Variants in SPATA16 observed in about 807,000 individuals in gnomAD.
The protein encoded by SPATA16 is spermatogenesis-associated protein 16.
In SPATA16, 36 loss-of-function variants were observed where a neutral mutation model predicts 63.3. That is an observed-to-expected ratio of 0.57 (90% CI 0.44 to 0.75). The LOEUF (loss-of-function observed/expected upper bound fraction) is 0.75. SPATA16 is among the 30% of genes least tolerant of loss of function. SPATA16 has a pLI of 0.00. For missense variants in SPATA16, 646 were observed against 679.3 expected (o/e 0.95, Z 0.54); for synonymous variants, 203 against 216.7 (o/e 0.94, Z 0.56).
chr3:173,102,402 T>C (rs201511890), intron 2 of SPATA16, among the ~76,000 whole-genome samples: 2 of 152,328 alleles, frequency 1.3e-5, no homozygotes, highest in South Asian at 2.1e-4. Context: ...TTCTACAGGC[T>C]TTACAGGGAG....
chr3:173,090,871 A>G (rs1323412126), intron 2 of SPATA16, among the ~76,000 whole-genome samples: 1 of 152,202 alleles, frequency 6.6e-6, no homozygotes, highest in Admixed American at 6.5e-5. Context: ...GAGTGGCAAG[A>G]TTGCATGTAA....
intron 1 of SPATA16, among the ~76,000 whole-genome samples, chr3:173,131,961 C>T (rs1427084427): frequency 6.6e-6 from 1 of 151,500 alleles, no homozygotes; most frequent in South Asian, 2.1e-4. Context: ...CTCAAGATAA[C>T]AATTAAAAAA....
At position 173,083,373 on chromosome 3, in the gene SPATA16, T is replaced by C. The variant is rs140851371; in HGVS notation, c.612+33747A>G. The stretch of plus-strand genomic sequence containing the variant: ...TAGTTATATCACATTGATAGAGTAC[T>C]ATTAAGCCAATGAAATAATAATAGT... On this transcript the variant is annotated intron_variant, in intron 2 of 10. Coordinates refer to ENST00000351008, the MANE Select transcript of SPATA16 (RefSeq NM_031955.6). 4.2e-3 allele frequency among the ~76,000 whole-genome samples: 636 copies of C among 152,300 alleles called. 6 individuals carry two copies. Among genetic ancestry groups the C allele is most frequent in the African/African-American group, 0.015 (603 of 41,564 alleles).
intron 2 of SPATA16, among the ~76,000 whole-genome samples, chr3:173,116,417 A>G (rs1001379648): frequency 2.0e-5 from 3 of 152,216 alleles, no homozygotes; most frequent in African/African-American, 7.2e-5. Flanking sequence ...TGGTCCTTCT[A>G]TAGGTACAGT....
chr3:173,068,026 A>G (rs988533530), intron 2 of SPATA16, among the ~76,000 whole-genome samples: 2 of 152,226 alleles, frequency 1.3e-5, no homozygotes, highest in African/African-American at 4.8e-5. Flanking sequence ...TCCTTCAAAC[A>G]TGAAGGAGAC....
chr3:173,140,832 G>A (rs576157789), intron 1 of SPATA16, among the ~76,000 whole-genome samples: 24 of 152,300 alleles, frequency 1.6e-4, no homozygotes, highest in African/African-American at 5.3e-4. Context: ...TTTCTCACCA[G>A]AGTGGGGAAG....
rs371952695 is a variant in SPATA16 at position 173,000,716 on chromosome 3, G to GT, written c.848+18769dup. On this transcript the variant is annotated intron_variant, in intron 4 of 10. Transcript: ENST00000351008. ...CAGTTCTTGGATATTCTGTTCTGTGGTTTTTTTTTTTTCAGTGTTTTCTTC... is the reference window on the plus strand; with the variant it reads ...CAGTTCTTGGATATTCTGTTCTGTGGTTTTTTTTTTTTTCAGTGTTTTCTTC... 3.8e-3 allele frequency among the ~76,000 whole-genome samples: 535 copies of GT among 139,850 alleles called. 1 individual carries two copies. The Middle Eastern group carries it at 0.04, about 10-fold the overall frequency. 91.7% of individuals were successfully genotyped at this position (139,850 alleles called of 152,430 possible). A position where few individuals can be genotyped will look rare whatever the true frequency, so the allele number is the denominator to read the frequency against.
chr3:172,980,319 C>A (rs1369496997), intron 4 of SPATA16, among the ~76,000 whole-genome samples: 2 of 152,096 alleles, frequency 1.3e-5, no homozygotes, highest in Non-Finnish European at 2.9e-5. Flanking sequence ...TAAACAGTAA[C>A]CCATCATTCT....
chr3:172,894,320 A>G (rs915557164), intron 10 of SPATA16, among the ~76,000 whole-genome samples: 3 of 152,104 alleles, frequency 2.0e-5, no homozygotes, highest in East Asian at 1.9e-4. Context: ...TGTTTCTACT[A>G]TTCATAATAT....
At chr3:172,966,227 C>T (rs1236247013) in intron 5 of SPATA16, among the ~76,000 whole-genome samples, 3 of 152,188 alleles carry the variant, frequency 2.0e-5, no homozygotes, top group Non-Finnish European at 4.4e-5. Context: ...AAGAGACCTG[C>T]CACTATACTA....
intron 2 of SPATA16, among the ~76,000 whole-genome samples, chr3:173,078,380 G>A (rs573948243): frequency 6.6e-6 from 1 of 152,088 alleles, no homozygotes; most frequent in Non-Finnish European, 1.5e-5. Context: ...ACGGTCAATG[G>A]CAATGTTAAG....
At chr3:172,923,261 G>A (rs1167901864) in intron 8 of SPATA16, among the ~76,000 whole-genome samples, 1 of 152,154 alleles carries the variant, frequency 6.6e-6, no homozygotes, top group African/African-American at 2.4e-5. Context: ...GTGGGGAAGG[G>A]GTAGCTTTGT....
At chr3:173,136,019 A>T (rs776388443) in intron 1 of SPATA16, among the ~76,000 whole-genome samples, 1 of 152,238 alleles carries the variant, frequency 6.6e-6, no homozygotes, top group Non-Finnish European at 1.5e-5. Context: ...TTTTGCCTAA[A>T]CACATGCCCC....
intron 4 of SPATA16, among the ~76,000 whole-genome samples, chr3:172,999,151 G>C (rs1483021845): frequency 1.3e-5 from 2 of 152,146 alleles, no homozygotes; most frequent in Non-Finnish European, 2.9e-5. Context: ...GAATTAACCA[G>C]TGAACCCATT....
rs186554929 is a variant in SPATA16 at position 173,083,272 on chromosome 3, T to C, written c.612+33848A>G. Among the ~76,000 whole-genome samples, 161 of 152,242 alleles carry C rather than the reference T, an allele frequency of 1.1e-3. 1 individual carries two copies. The highest frequency in any genetic ancestry group is 2.0e-3 in the Non-Finnish European group (136 of 68,000). Reference sequence around the variant, plus strand: ...GGCAAGATACTTAGGAAGAAATTAATACTTATGTTAATATTCTTAACAACA... The same window carrying C: ...GGCAAGATACTTAGGAAGAAATTAACACTTATGTTAATATTCTTAACAACA... On this transcript the variant is annotated intron_variant, in intron 2 of 10. Transcript: ENST00000351008.
intron 8 of SPATA16, among the ~76,000 whole-genome samples, chr3:172,916,835 A>G (rs894489845): frequency 2.6e-5 from 4 of 152,222 alleles, no homozygotes; most frequent in East Asian, 1.9e-4. Flanking sequence ...GACTTTATCT[A>G]TATCACCAAA....
chr3:172,942,231 A>G (rs1299309322), intron 6 of SPATA16, among the ~76,000 whole-genome samples: 1 of 152,188 alleles, frequency 6.6e-6, no homozygotes, highest in African/African-American at 2.4e-5. Flanking sequence ...TCAACTCAGG[A>G]ATTAAAATAA....
At chr3:173,076,049 A>G (rs569746737) in intron 2 of SPATA16, among the ~76,000 whole-genome samples, 1 of 152,250 alleles carries the variant, frequency 6.6e-6, no homozygotes, top group African/African-American at 2.4e-5. Flanking sequence ...ATGTGCAACT[A>G]TCATGTACTC....
chr3:173,034,911 C>T (rs1399080476), intron 3 of SPATA16, among the ~76,000 whole-genome samples: 1 of 152,164 alleles, frequency 6.6e-6, no homozygotes, highest in African/African-American at 2.4e-5. Context: ...AATACACACT[C>T]CTTTCTTGAT....
Sources: gnomAD v4.1 joint callset for allele counts (sites outside exome capture counted in the v4.1 genomes callset) on GRCh38, gnomAD v4.1.1 for gene constraint, MANE v1.5 for transcripts, NCBI Gene and HGNC (gene_info 2026-07-23, HGNC 2026-07-21) for gene names.